FAM107A: variants seen among roughly 807,000 people sequenced by gnomAD.
The protein encoded by FAM107A is family with sequence similarity 107 member A.
FAM107A carries 19 observed loss-of-function variants against 13.7 expected under a neutral mutation model. The observed-to-expected ratio is 1.38, with a 90% CI of 0.97 to 2.03. FAM107A has a LOEUF of 2.03. Among genes scored for constraint, FAM107A ranks in the 30% most tolerant of loss-of-function variants. The pLI is 0.00. For synonymous variants in FAM107A, 82 were observed against 74.5 expected (o/e 1.10, Z -0.52); for missense variants, 203 against 184.4 (o/e 1.10, Z -0.58).
rs1417327487 is a variant in FAM107A, at chr3:58,627,098, G to A, written c.-70+318C>T. 1.2e-5 allele frequency: 14 copies of A among 1,148,912 alleles called. No individual in the cohort carries two copies. In the African/African-American group the frequency reaches 1.5e-4, roughly 13 times the overall value. The allele number at this position is 1,148,912 out of a possible 1,614,324, so 71.2% of individuals were successfully genotyped here. On this transcript the variant is annotated intron_variant, in intron 1 of 3. Coordinates refer to the FAM107A transcript ENST00000465970. ...CCAGGACCCAAGGGGCTCCCGGGGC[G>A]AGGGCCCCCTGTCCTCTTGCGGCTC...
At chr3:58,626,990 C>A in intron 1 of FAM107A, 1 of 1,536,012 alleles carries the variant, frequency 6.5e-7, no homozygotes, top group Non-Finnish European at 8.7e-7. Context: ...CTGGGCTGCT[C>A]CCATGGCACG....
At chr3:58,620,622 A>C (rs1189867026) in intron 1 of FAM107A, among the ~76,000 whole-genome samples, 2 of 152,218 alleles carry the variant, frequency 1.3e-5, no homozygotes, top group Non-Finnish European at 2.9e-5. Flanking sequence ...GTGAGGGATG[A>C]CGCTGTGGAA....
intron 1 of FAM107A, among the ~76,000 whole-genome samples, chr3:58,619,997 G>A (rs1316715993): frequency 6.6e-6 from 1 of 152,166 alleles, no homozygotes. Flanking sequence ...CCCCCAGCCT[G>A]AAGTTCTGCA....
intron 1 of FAM107A, chr3:58,627,296 G>C: frequency 2.3e-6 from 1 of 428,690 alleles, no homozygotes; most frequent in South Asian, 5.0e-5. Flanking sequence ...CTCAGGAAGG[G>C]AAACTGAGGC....
At chr3:58,574,934 C>T (rs571893533) in intron 1 of FAM107A, among the ~76,000 whole-genome samples, 1 of 152,128 alleles carries the variant, frequency 6.6e-6, no homozygotes, top group South Asian at 2.1e-4. Context: ...TGCAGGGTGG[C>T]AGATTTGAAA....
chr3:58,616,515 TATAAG>T (rs1353010657), intron 1 of FAM107A, among the ~76,000 whole-genome samples: 2 of 142,770 alleles, frequency 1.4e-5, no homozygotes, highest in Non-Finnish European at 3.0e-5. Context: ...CTGGTGTCCT[TATAAG>T]AGGAGAACAC....
At chr3:58,599,358 C>T (rs535092164) in intron 1 of FAM107A, among the ~76,000 whole-genome samples, 2 of 152,316 alleles carry the variant, frequency 1.3e-5, no homozygotes, top group African/African-American at 4.8e-5. Context: ...AATGCTAGAC[C>T]AGGAAGTACA....
intron 1 of FAM107A, among the ~76,000 whole-genome samples, chr3:58,584,110 G>A (rs1237022700): frequency 1.3e-5 from 2 of 152,102 alleles, no homozygotes; most frequent in East Asian, 3.9e-4. Context: ...CTCCCTGTGT[G>A]GAGCAGCCAG....
chr3:58,573,460 C>T (rs2063703727), intron 1 of FAM107A: 1 of 152,448 alleles, frequency 6.6e-6, no homozygotes, highest in South Asian at 2.1e-4. Context: ...AGGCAGAGGA[C>T]TGGGGTTGTT....
chr3:58,570,714 T>C (rs1236071360), intron 1 of FAM107A, among the ~76,000 whole-genome samples: 1 of 151,528 alleles, frequency 6.6e-6, no homozygotes, highest in African/African-American at 2.4e-5. Flanking sequence ...GGAATTTCAG[T>C]GAAAATTTAG....
chr3:58,606,041 AC>A (rs2065791504), intron 1 of FAM107A, among the ~76,000 whole-genome samples: 1 of 152,050 alleles, frequency 6.6e-6, no homozygotes, highest in Non-Finnish European at 1.5e-5. Flanking sequence ...TCTGCCACTG[AC>A]CCTCTGGTCT....
chr3:58,604,938 T>TAAC lies in FAM107A; in HGVS notation c.-69-15670_-69-15669insGTT, dbSNP rs1288845179. ...TTTGTTATCTTTTTCTGATGAGTGT[T>TAAC]AGGTTTTGTTTTAGCAGGCAGTACA... On this transcript the variant is annotated intron_variant, in intron 1 of 3. Coordinates refer to the FAM107A transcript ENST00000465970. The surrounding 1 kb of genome is among the most constrained non-coding windows in gnomAD (Gnocchi z 4.1). Among the ~76,000 whole-genome samples the TAAC allele has an allele frequency of 1.3e-3, 202 of 152,326 alleles. 3 individuals are homozygous for TAAC. Among genetic ancestry groups the TAAC allele is most frequent in the African/African-American group, 4.6e-3 (192 of 41,568 alleles).
At chr3:58,616,526 AACACACACACAC>A (rs59230021) in intron 1 of FAM107A, among the ~76,000 whole-genome samples, 117 of 137,832 alleles carry the variant, frequency 8.5e-4, no homozygotes, top group African/African-American at 1.9e-3. Context: ...ATAAGAGGAG[AACACACACACAC>A]ACACACACAC....
At chr3:58,570,286 AAC>A (rs2063668584) in intron 1 of FAM107A, 1 of 654,966 alleles carries the variant, frequency 1.5e-6, no homozygotes, top group Non-Finnish European at 1.9e-6. Context: ...ACTTGTTAAA[AAC>A]AATTTGGATA....
intron 1 of FAM107A, chr3:58,574,251 T>G (rs527391480): frequency 2.6e-5 from 4 of 152,342 alleles, no homozygotes; most frequent in African/African-American, 9.6e-5. Context: ...GATCTTAACT[T>G]TGGCTGCATA....
At chr3:58,602,448 T>C (rs562449997) in intron 1 of FAM107A, among the ~76,000 whole-genome samples, 9 of 152,316 alleles carry the variant, frequency 5.9e-5, no homozygotes, top group African/African-American at 2.2e-4. Context: ...GCTTTTCCAT[T>C]TCTAAGAATT....
At chr3:58,580,790 C>T (rs560899903), upstream of FAM107A, among the ~76,000 whole-genome samples, 74 of 152,184 alleles carry the variant, frequency 4.9e-4, no homozygotes, top group Non-Finnish European at 7.5e-4. Flanking sequence ...CGTAAAATTA[C>T]AGGCCCTTCT....
intron 1 of FAM107A, chr3:58,573,675 A>G (rs1234646273): frequency 6.6e-6 from 1 of 152,350 alleles, no homozygotes; most frequent in African/African-American, 2.4e-5. Flanking sequence ...TGTATTCTTC[A>G]TGGCTGTTAA....
chr3:58,567,912 TTTC>T (rs1279914295), intron 2 of FAM107A, among the ~76,000 whole-genome samples: 4 of 152,166 alleles, frequency 2.6e-5, no homozygotes, highest in Non-Finnish European at 5.9e-5. Context: ...GCCATTTGCA[TTTC>T]TTCTTTTGTG....
Sources: gnomAD v4.1 joint callset for allele counts (sites outside exome capture counted in the v4.1 genomes callset) on GRCh38, gnomAD v4.1.1 for gene constraint, Gnocchi (gnomAD v3.1) non-coding constraint, MANE v1.5 for transcripts, NCBI Gene and HGNC (gene_info 2026-07-23, HGNC 2026-07-21) for gene names.